Variants in KCNK13 observed in about 807,000 individuals in gnomAD.
KCNK13 encodes potassium channel subfamily K member 13.
In KCNK13, 12 loss-of-function variants were observed where a neutral mutation model predicts 23.4. That is an observed-to-expected ratio of 0.51 (90% CI 0.33 to 0.83). The LOEUF (loss-of-function observed/expected upper bound fraction) is 0.83, where lower values mean the gene tolerates loss of function less well. KCNK13 is among the 40% of genes least tolerant of loss of function. The pLI is 0.02. For synonymous variants in KCNK13, 231 were observed against 229.5 expected (o/e 1.01, Z -0.06); for missense variants, 463 against 556.3 (o/e 0.83, Z 1.69).
intron 1 of KCNK13, among the ~76,000 whole-genome samples, chr14:90,099,869 G>C (rs1285984737): frequency 1.3e-5 from 2 of 152,128 alleles, no homozygotes; most frequent in Non-Finnish European, 2.9e-5. Context: ...TTCCAGGGGA[G>C]GTAAAAAGCA....
intron 1 of KCNK13, among the ~76,000 whole-genome samples, chr14:90,170,014 G>A (rs66530731): frequency 0.24 from 36,476 of 151,900 alleles, 5,736 homozygotes; most frequent in East Asian, 0.64. Context: ...TTGAGATGAA[G>A]CAGGGATCCC....
At chr14:90,114,333 G>A (rs1303818168) in intron 1 of KCNK13, among the ~76,000 whole-genome samples, 3 of 152,188 alleles carry the variant, frequency 2.0e-5, no homozygotes, top group Non-Finnish European at 4.4e-5. Flanking sequence ...AGACCAGGGC[G>A]CTCAAACTTG....
chr14:90,172,143 C>A (rs1890371443), intron 1 of KCNK13, among the ~76,000 whole-genome samples: 1 of 151,944 alleles, frequency 6.6e-6, no homozygotes, highest in South Asian at 2.1e-4. Context: ...ATGGTGGAAC[C>A]CCGTCTCTAC....
rs141078569 is a variant in KCNK13, at chr14:90,172,428, C to T, written c.335-11683C>T. Among the ~76,000 whole-genome samples the T allele has an allele frequency of 2.2e-3, 332 of 152,112 alleles. 1 individual carries two copies. The highest frequency in any genetic ancestry group is 7.5e-3 in the African/African-American group (310 of 41,476). ...AGGAGTTCCTCGAGGGCGAGGTGACCGAAATTGTTAATTTCCTACGGAACA... is the reference window on the plus strand; with the variant it reads ...AGGAGTTCCTCGAGGGCGAGGTGACTGAAATTGTTAATTTCCTACGGAACA... On this transcript the variant is annotated intron_variant, in intron 1 of 1. Transcript: ENST00000282146.
chr14:90,141,535 G>A (rs1890005081), intron 1 of KCNK13, among the ~76,000 whole-genome samples: 1 of 152,022 alleles, frequency 6.6e-6, no homozygotes, highest in South Asian at 2.1e-4. Context: ...TTGGCTCACT[G>A]CAACCTCTGC....
chr14:90,182,958 C>A (rs1254686113), intron 1 of KCNK13, among the ~76,000 whole-genome samples: 2 of 152,124 alleles, frequency 1.3e-5, no homozygotes, highest in African/African-American at 2.4e-5. Flanking sequence ...AACCCCTCCA[C>A]CCATCAGCCT....
At position 90,176,352 on chromosome 14, in the gene KCNK13, T is replaced by C. The variant is rs138559806; in HGVS notation, c.335-7759T>C. Among the ~76,000 whole-genome samples, 353 of 152,226 alleles carry C rather than the reference T, an allele frequency of 2.3e-3. 1 individual carries two copies. Among genetic ancestry groups the C allele is most frequent in the African/African-American group, 8.0e-3 (332 of 41,554 alleles). Reference sequence around the variant, plus strand: ...GGTTTCATAATCCACATAAATACAATGGGCCCAGTGAGGACCCAGGGCCTC... The same window carrying C: ...GGTTTCATAATCCACATAAATACAACGGGCCCAGTGAGGACCCAGGGCCTC... On this transcript the variant is annotated intron_variant, in intron 1 of 1. Coordinates refer to ENST00000282146, the MANE Select transcript of KCNK13 (RefSeq NM_022054.4).
Position 90,073,661 on chromosome 14 carries a change from T to TTTTTTG in KCNK13, c.334+11140_334+11145dup, listed in dbSNP as rs1196899307. On this transcript the variant is annotated intron_variant, in intron 1 of 1. Coordinates refer to ENST00000282146, the MANE Select transcript of KCNK13 (RefSeq NM_022054.4). ...CAAGAGGACCCCTCAAGTTGTTGTGTTTTTTGTTTTTGTTTTTGTTTTTTC... is the reference window on the plus strand; with the variant it reads ...CAAGAGGACCCCTCAAGTTGTTGTGTTTTTTGTTTTTGTTTTTGTTTTTGTTTTTTC... Among the ~76,000 whole-genome samples, 3 of 152,138 alleles carry TTTTTTG rather than the reference T, an allele frequency of 2.0e-5. No individual in the cohort carries two copies. In the East Asian group the frequency reaches 5.8e-4, roughly 29 times the overall value.
chr14:90,122,060 GAAACTGCCATCATGT>G (rs1220247318), intron 1 of KCNK13, among the ~76,000 whole-genome samples: 1 of 151,992 alleles, frequency 6.6e-6, no homozygotes, highest in Non-Finnish European at 1.5e-5. Flanking sequence ...TTTTTCTTAA[GAAACTGCCATCATGT>G]AAACGTTTTC....
At chr14:90,116,499 T>A (rs565454281) in intron 1 of KCNK13, among the ~76,000 whole-genome samples, 1 of 152,288 alleles carries the variant, frequency 6.6e-6, no homozygotes, top group Non-Finnish European at 1.5e-5. Context: ...GGCTCATGTA[T>A]ATCAGGGGAC....
At chr14:90,070,889 C>A (rs1889066744) in intron 1 of KCNK13, among the ~76,000 whole-genome samples, 1 of 152,146 alleles carries the variant, frequency 6.6e-6, no homozygotes, top group Non-Finnish European at 1.5e-5. Flanking sequence ...GAGGGCCATA[C>A]CTCTTCCAGC....
At chr14:90,096,430 T>C (rs571723516) in intron 1 of KCNK13, among the ~76,000 whole-genome samples, 1 of 152,370 alleles carries the variant, frequency 6.6e-6, no homozygotes, top group East Asian at 1.9e-4. Context: ...AGACCAAATA[T>C]GTATTTTACA....
intron 1 of KCNK13, among the ~76,000 whole-genome samples, chr14:90,117,407 T>C (rs1889689209): frequency 6.6e-6 from 1 of 152,106 alleles, no homozygotes; most frequent in Middle Eastern, 3.4e-3. Flanking sequence ...CTGGCCAACG[T>C]GATGAAACCC....
At chr14:90,113,552 T>C (rs1239795047) in intron 1 of KCNK13, among the ~76,000 whole-genome samples, 1 of 152,130 alleles carries the variant, frequency 6.6e-6, no homozygotes, top group Non-Finnish European at 1.5e-5. Flanking sequence ...AAATGAAATC[T>C]GGAGTTTAGT....
chr14:90,157,702 CTT>C (rs34114368), intron 1 of KCNK13, among the ~76,000 whole-genome samples: 69 of 100,298 alleles, frequency 6.9e-4, no homozygotes, highest in South Asian at 7.3e-4. Flanking sequence ...CTTGGCTTTC[CTT>C]TTTTTTTTTT....
At chr14:90,119,698 C>T (rs1464893383) in intron 1 of KCNK13, among the ~76,000 whole-genome samples, 1 of 152,134 alleles carries the variant, frequency 6.6e-6, no homozygotes, top group African/African-American at 2.4e-5. Context: ...CTCCCAGGTT[C>T]AAGCAATTCT....
intron 1 of KCNK13, among the ~76,000 whole-genome samples, chr14:90,113,347 G>A (rs1889638025): frequency 6.6e-6 from 1 of 152,148 alleles, no homozygotes; most frequent in South Asian, 2.1e-4. Flanking sequence ...AATTTCTTCA[G>A]TGGTAAAATT....
At chr14:90,102,702 C>T (rs1330394902) in intron 1 of KCNK13, among the ~76,000 whole-genome samples, 1 of 152,198 alleles carries the variant, frequency 6.6e-6, no homozygotes, top group Admixed American at 6.5e-5. Flanking sequence ...TTAACACTGA[C>T]TTTCTGTCTC....
intron 1 of KCNK13, among the ~76,000 whole-genome samples, chr14:90,072,310 A>G (rs1336245809): frequency 1.3e-5 from 2 of 152,166 alleles, no homozygotes; most frequent in African/African-American, 2.4e-5. Context: ...AAAGGGAAAC[A>G]CTGTAATCCA....
Sources: gnomAD v4.1 joint callset for allele counts (sites outside exome capture counted in the v4.1 genomes callset) on GRCh38, gnomAD v4.1.1 for gene constraint, MANE v1.5 for transcripts, NCBI Gene and HGNC (gene_info 2026-07-23, HGNC 2026-07-21) for gene names.